The following CACNA2D3 variants were observed in gnomAD, a reference collection of about 807,000 sequenced individuals.
The protein encoded by CACNA2D3 is calcium voltage-gated channel auxiliary subunit alpha2delta 3.
Under a neutral mutation model 160.6 loss-of-function variants are expected in CACNA2D3, and 60 were observed. The observed-to-expected ratio is 0.37, with a 90% CI of 0.30 to 0.46. The LOEUF is 0.46. Among genes scored for constraint, CACNA2D3 ranks in the 20% least tolerant of loss-of-function variants. The pLI, the probability that CACNA2D3 is intolerant of heterozygous loss-of-function variation, is 1.00. For missense variants in CACNA2D3, 1,205 were observed against 1,365.0 expected (o/e 0.88, Z 1.85); for synonymous variants, 558 against 492.9 (o/e 1.13, Z -1.75).
chr3:54,606,835 C>T (rs1050267401), intron 9 of CACNA2D3, among the ~76,000 whole-genome samples: 24 of 152,110 alleles, frequency 1.6e-4, no homozygotes, highest in African/African-American at 5.6e-4. Context: ...TCAACTCTGA[C>T]TATAAAAGTC....
chr3:54,317,053 G>T (rs1325074036), intron 2 of CACNA2D3, among the ~76,000 whole-genome samples: 3 of 152,158 alleles, frequency 2.0e-5, no homozygotes, highest in African/African-American at 7.2e-5. Context: ...CTTGAACTTT[G>T]TATTTTTGGT....
At chr3:54,322,768 G>T (rs75815659) in intron 3 of CACNA2D3, among the ~76,000 whole-genome samples, 1 of 151,864 alleles carries the variant, frequency 6.6e-6, no homozygotes, top group Non-Finnish European at 1.5e-5. Context: ...TGGGTTTAGC[G>T]TCTTCGTATT....
Position 54,646,605 on chromosome 3 carries a change from A to G in CACNA2D3, c.1167+4364A>G, listed in dbSNP as rs574845645. Reference sequence around the variant, plus strand: ...TTCCTTTTTATGGCTGCACAGTGGTATATGTGGTATGTGTGGTATATGTAC... The same window carrying G: ...TTCCTTTTTATGGCTGCACAGTGGTGTATGTGGTATGTGTGGTATATGTAC... On this transcript the variant is annotated intron_variant, in intron 11 of 37. Transcript: ENST00000474759. Among the ~76,000 whole-genome samples, 8 of 152,232 alleles carry G rather than the reference A, an allele frequency of 5.3e-5. No homozygotes were observed. In the East Asian group the frequency reaches 1.4e-3, roughly 26 times the overall value.
intron 4 of CACNA2D3, among the ~76,000 whole-genome samples, chr3:54,393,972 G>A (rs1323589715): frequency 6.6e-6 from 1 of 152,152 alleles, no homozygotes; most frequent in Admixed American, 6.5e-5. Context: ...GTACCTTGTT[G>A]CTGCTGCATG....
At chr3:54,727,314 G>T (rs188463155) in intron 11 of CACNA2D3, among the ~76,000 whole-genome samples, 1 of 152,288 alleles carries the variant, frequency 6.6e-6, no homozygotes, top group African/African-American at 2.4e-5. Flanking sequence ...TGGTGGGAGT[G>T]TAAATTAGTT....
intron 17 of CACNA2D3, among the ~76,000 whole-genome samples, chr3:54,862,451 TGTTG>T (rs1699313439): frequency 6.6e-6 from 1 of 152,176 alleles, no homozygotes; most frequent in Non-Finnish European, 1.5e-5. Flanking sequence ...TGACGTTGGT[TGTTG>T]GTTGATGCTA....
intron 2 of CACNA2D3, among the ~76,000 whole-genome samples, chr3:54,237,125 C>G (rs887180343): frequency 1.3e-5 from 2 of 151,654 alleles, no homozygotes; most frequent in Non-Finnish European, 2.9e-5. Context: ...GGTAGGAGGA[C>G]ATTCTTCCCC....
chr3:54,464,493 C>T (rs1466006367), intron 4 of CACNA2D3, among the ~76,000 whole-genome samples: 3 of 152,248 alleles, frequency 2.0e-5, no homozygotes, highest in Non-Finnish European at 4.4e-5. Context: ...CGCCCCTCCC[C>T]CAGCCTCGCT....
intron 35 of CACNA2D3, among the ~76,000 whole-genome samples, chr3:55,065,818 A>G (rs951570944): frequency 6.6e-6 from 1 of 152,060 alleles, no homozygotes; most frequent in African/African-American, 2.4e-5. Flanking sequence ...CCACTCAATA[A>G]TCTTGTTCAC....
At chr3:54,998,993 G>A (rs773355524) in intron 31 of CACNA2D3, among the ~76,000 whole-genome samples, 3 of 152,002 alleles carry the variant, frequency 2.0e-5, no homozygotes, top group Non-Finnish European at 4.4e-5. Context: ...TGATCCGCCC[G>A]CCTTGGCCTC....
intron 4 of CACNA2D3, among the ~76,000 whole-genome samples, chr3:54,434,277 A>G (rs1440527720): frequency 3.9e-5 from 6 of 152,242 alleles, no homozygotes; most frequent in African/African-American, 1.4e-4. Flanking sequence ...ACTCCCACCC[A>G]GCATCATCAA....
At chr3:54,427,069 G>A (rs542224857) in intron 4 of CACNA2D3, among the ~76,000 whole-genome samples, 49 of 147,850 alleles carry the variant, frequency 3.3e-4, no homozygotes, top group African/African-American at 1.1e-3. Flanking sequence ...TATGTTCTGC[G>A]TACCCTTTCT....
At chr3:54,515,174 CTGTGTGTGTG>C (rs34453702) in intron 5 of CACNA2D3, among the ~76,000 whole-genome samples, 1 of 134,328 alleles carries the variant, frequency 7.4e-6, no homozygotes, top group Admixed American at 7.5e-5. Flanking sequence ...GTGTGTGTGT[CTGTGTGTGTG>C]TGTGTGTGTG....
chr3:54,334,608 G>C (rs1180873681), intron 3 of CACNA2D3, among the ~76,000 whole-genome samples: 1 of 152,144 alleles, frequency 6.6e-6, no homozygotes, highest in Non-Finnish European at 1.5e-5. Flanking sequence ...GTGACTCTCT[G>C]GATATGGCAA....
intron 2 of CACNA2D3, among the ~76,000 whole-genome samples, chr3:54,159,561 C>T (rs563487305): frequency 9.2e-5 from 14 of 152,218 alleles, no homozygotes; most frequent in South Asian, 2.1e-4. Context: ...AACCTTTCTC[C>T]GGTGCCTCCC....
At chr3:54,950,871 A>G (rs991576224) in intron 27 of CACNA2D3, among the ~76,000 whole-genome samples, 1 of 152,202 alleles carries the variant, frequency 6.6e-6, no homozygotes, top group East Asian at 1.9e-4. Flanking sequence ...AGGCAAGAGC[A>G]GGAGAGGAGA....
At chr3:54,736,871 A>G (rs1701542076) in intron 11 of CACNA2D3, among the ~76,000 whole-genome samples, 1 of 152,022 alleles carries the variant, frequency 6.6e-6, no homozygotes, top group African/African-American at 2.4e-5. Context: ...ACCCTTTGTA[A>G]TCCTCGGTTT....
At chr3:54,509,713 A>G (rs1701430173) in intron 5 of CACNA2D3, among the ~76,000 whole-genome samples, 1 of 152,238 alleles carries the variant, frequency 6.6e-6, no homozygotes, top group African/African-American at 2.4e-5. Flanking sequence ...GCATTTGGTA[A>G]GAAACATACA....
chr3:54,232,621 A>G (rs1290298423), intron 2 of CACNA2D3, among the ~76,000 whole-genome samples: 2 of 152,054 alleles, frequency 1.3e-5, no homozygotes, highest in South Asian at 2.1e-4. Flanking sequence ...CAACTCCACC[A>G]TGCTTCCAGG....
Sources: gnomAD v4.1 joint callset for allele counts (sites outside exome capture counted in the v4.1 genomes callset) on GRCh38, gnomAD v4.1.1 for gene constraint, MANE v1.5 for transcripts, NCBI Gene and HGNC (gene_info 2026-07-23, HGNC 2026-07-21) for gene names.